Variants in FOXK2 observed in about 807,000 individuals in gnomAD.
The protein encoded by FOXK2 is forkhead box protein K2.
A neutral mutation model predicts 53.3 loss-of-function variants in FOXK2; 24 were observed. The ratio of observed to expected loss-of-function variants is 0.45; its 90% confidence interval spans 0.33 to 0.63. The LOEUF (loss-of-function observed/expected upper bound fraction) is 0.63. FOXK2 is among the 30% of genes least tolerant of loss of function. The probability of loss-of-function intolerance (pLI) is 0.03; values close to 1 mark genes in which losing one functional copy is unlikely to be tolerated. For missense variants in FOXK2, 952 were observed against 910.5 expected, an observed-to-expected ratio of 1.05 and a Z score of -0.59; for synonymous variants, 505 against 407.1, an observed-to-expected ratio of 1.24 and a Z score of -2.89.
chr17:82,592,446 C>G (rs1199072563), intron 8 of FOXK2, among the ~76,000 whole-genome samples: 1 of 152,204 alleles, frequency 6.6e-6, no homozygotes, highest in African/African-American at 2.4e-5. Context: ...TGCCACAGCT[C>G]AAGCCTCACA....
At chr17:82,546,756 T>G (rs1480514172) in intron 1 of FOXK2, among the ~76,000 whole-genome samples, 1 of 152,020 alleles carries the variant, frequency 6.6e-6, no homozygotes, top group Non-Finnish European at 1.5e-5. Context: ...TGTAAGCCAC[T>G]GAGCCCAACC....
At chr17:82,561,563 CTG>C (rs982314667) in intron 1 of FOXK2, among the ~76,000 whole-genome samples, 2 of 152,076 alleles carry the variant, frequency 1.3e-5, no homozygotes, top group Non-Finnish European at 2.9e-5. Context: ...GGTGGCCACT[CTG>C]TGAGGGTCTG....
chr17:82,587,566 A>C, intron 8 of FOXK2: 2 of 432,770 alleles, frequency 4.6e-6, no homozygotes. Flanking sequence ...AGCGGCCTGA[A>C]ACGGCGGGAG....
chr17:82,604,085 A>C lies in FOXK2; in HGVS notation c.*2586A>C, dbSNP rs2045419360. 1 of 152,228 alleles carries C rather than the reference A, an allele frequency of 6.6e-6. No homozygotes were observed. The highest frequency in any genetic ancestry group is 2.1e-4 in the South Asian group (1 of 4,836). The allele number at this position is 152,228 out of a possible 1,614,324, so 9.4% of individuals were successfully genotyped here. On this transcript the variant is annotated 3_prime_UTR_variant, in exon 9 of 9. Transcript: ENST00000335255. ...TTGGGAGAGGTCCTGCGTCGTCCTC[A>C]GCTGCGTCGCTGTGAACTCCCGCTC...
chr17:82,585,245 G>A (rs562005169), intron 6 of FOXK2: 17 of 152,286 alleles, frequency 1.1e-4, no homozygotes, highest in South Asian at 6.2e-4. Flanking sequence ...CCTTCCACTC[G>A]TTACAGGAGG....
At chr17:82,550,926 A>G (rs2044670886) in intron 1 of FOXK2, among the ~76,000 whole-genome samples, 1 of 152,244 alleles carries the variant, frequency 6.6e-6, no homozygotes, top group Non-Finnish European at 1.5e-5. Flanking sequence ...GCGTGCAGTA[A>G]GCGTGCGTCA....
chr17:82,587,127 G>A lies in FOXK2; in HGVS notation c.1641G>A (p.Gln547=), dbSNP rs759987505. ...TCGGCACTGCCAGCCGGATCATTCA[G>A]ACGGCACAGACCACCCCGGTCCAGA... is the stretch of plus-strand genomic sequence containing the variant. ...ATLGTASRII[Q]TAQTTPVQTV... Residue 547 remains glutamine, a synonymous_variant, in exon 8 of 9, where the codon CAG becomes CAA. Coordinates refer to ENST00000335255, the MANE Select transcript of FOXK2 (RefSeq NM_004514.4). The A allele has an allele frequency of 5.0e-6, 8 of 1,612,966 alleles. No homozygotes were observed. Among genetic ancestry groups the A allele is most frequent in the Non-Finnish European group, 6.8e-6 (8 of 1,180,026 alleles).
In FOXK2 at chr17:82,582,911, C is replaced by T. The variant is rs2045081077; in HGVS notation, c.1080C>T (p.Thr360=). The change falls in exon 5 of 9, where the codon ACC becomes ACT. Residue 360 remains threonine (T), a synonymous_variant. Transcript: ENST00000335255. ...CTAGGGGCGTGCCCTGCTTTAGAAC[C>T]CCTCTGGGACCGCTCTCTTCTAGGT... ...RRPRGVPCFR[T]PLGPLSSRSA... 1 of 1,594,862 alleles carries T rather than the reference C, an allele frequency of 6.3e-7. No homozygotes were observed. Among genetic ancestry groups the T allele is most frequent in the Non-Finnish European group, 8.5e-7 (1 of 1,174,984 alleles).
Position 82,587,261 on chromosome 17 carries a change from A to C in FOXK2, c.1775A>C (p.Gln592Pro). ...TCAGTCCCCACTGCGGTCCACGGCC[A>C]GGTGAACAATGGTAAGACATGCTGG... ...VASVPTAVHG[Q>P]VNNAAASPLH... is the part of the protein sequence containing the mutation. Residue 592 changes from glutamine to proline, a missense_variant, in exon 8 of 9, where the codon CAG (glutamine) becomes CCG (proline). This residue lies in a region of FOXK2 where 551 missense variants were observed against 385.1 expected (regional missense o/e 1.43). Coordinates refer to ENST00000335255, the MANE Select transcript of FOXK2 (RefSeq NM_004514.4). The C allele has an allele frequency of 6.2e-7, 1 of 1,612,780 alleles. No individual in the cohort carries two copies. The highest frequency in any genetic ancestry group is 1.1e-5 in the South Asian group (1 of 91,070).
At position 82,571,772 on chromosome 17, in the gene FOXK2, A is replaced by G. The variant is rs1165253422; in HGVS notation, c.811A>G (p.Ile271Val). The G allele has an allele frequency of 1.2e-6, 2 of 1,601,838 alleles. No homozygotes were observed. The highest frequency in any genetic ancestry group is 1.7e-6 in the Non-Finnish European group (2 of 1,175,820). ...YSYAQLIVQA[I>V]TMAPDKQLTL... ...CTACGCGCAGCTGATAGTTCAGGCGATTACGATGGCTCCCGACAAACAGCT... is the reference window on the plus strand; with the variant it reads ...CTACGCGCAGCTGATAGTTCAGGCGGTTACGATGGCTCCCGACAAACAGCT... The change falls in exon 4 of 9, where the codon ATT (isoleucine) becomes GTT (valine). Residue 271 changes from isoleucine to valine, a missense_variant. By Grantham distance (29) the Ile-to-Val change is conservative. Transcript: ENST00000335255.
rs1280487589 is a variant in FOXK2 at position 82,568,098 on chromosome 17, C to T, written c.659C>T (p.Ser220Leu). The T allele has an allele frequency of 8.1e-6, 13 of 1,613,006 alleles. No homozygotes were observed. The highest frequency in any genetic ancestry group is 2.7e-5 in the African/African-American group (2 of 74,888). Residue 220 changes from serine (S) to leucine (L), a missense_variant, in exon 3 of 9, where the codon TCA (serine) becomes TTA (leucine). By Grantham distance (145) the Ser-to-Leu change is moderately radical (BLOSUM62 -2). Transcript: ENST00000335255. ...CPSSPRGAGS[S>L]GYKVGRVMPS... ...TCCAGCCCCCGGGGAGCGGGGTCTT[C>T]AGGGTACAAGGTGGGCCGAGTGATG...
chr17:82,520,037 A>C lies in FOXK2; in HGVS notation c.149A>C (p.Lys50Thr). The C allele has an allele frequency of 6.6e-7, 1 of 1,515,290 alleles. No homozygotes were observed. Among genetic ancestry groups the C allele is most frequent in the Non-Finnish European group, 8.8e-7 (1 of 1,132,560 alleles). 93.9% of individuals were successfully genotyped at this position (1,515,290 alleles called of 1,614,324 possible). The part of the protein sequence containing the change: ...LEGREFEYLM[K>T]KRSVTIGRNS... ...GGCCGCGAGTTCGAGTATCTGATGAAGAAGCGCTCGGTGACCATCGGCCGC... is the reference window on the plus strand; with the variant it reads ...GGCCGCGAGTTCGAGTATCTGATGACGAAGCGCTCGGTGACCATCGGCCGC... Residue 50 changes from lysine (K) to threonine (T), a missense_variant, in exon 1 of 9, where the codon AAG becomes ACG. Transcript: ENST00000335255.
At chr17:82,583,689 A>G (rs903398613) in intron 5 of FOXK2, among the ~76,000 whole-genome samples, 2 of 152,210 alleles carry the variant, frequency 1.3e-5, no homozygotes, top group Non-Finnish European at 2.9e-5. Context: ...GTAAGTCTTA[A>G]ATGCCCACGG....
At chr17:82,597,096 C>T (rs1403904195) in intron 8 of FOXK2, among the ~76,000 whole-genome samples, 1 of 152,184 alleles carries the variant, frequency 6.6e-6, no homozygotes, top group African/African-American at 2.4e-5. Flanking sequence ...CGCGCTAAGC[C>T]GTGACTCCCT....
chr17:82,530,833 A>G (rs1471575988), intron 1 of FOXK2, among the ~76,000 whole-genome samples: 2 of 152,094 alleles, frequency 1.3e-5, no homozygotes, highest in Non-Finnish European at 2.9e-5. Context: ...GTGTTTTCAA[A>G]GTGGCTTTTT....
At chr17:82,581,478 G>GC (rs2045058690) in intron 4 of FOXK2, among the ~76,000 whole-genome samples, 1 of 134,104 alleles carries the variant, frequency 7.5e-6, no homozygotes, top group East Asian at 2.2e-4. Context: ...TTTTGTGTGG[G>GC]TTTTTTTTTT....
chr17:82,583,561 A>G (rs1215906926), intron 5 of FOXK2, among the ~76,000 whole-genome samples: 1 of 152,190 alleles, frequency 6.6e-6, no homozygotes, highest in Non-Finnish European at 1.5e-5. Flanking sequence ...ACAAAAATAC[A>G]CTACTTTTTA....
chr17:82,597,393 G>A (rs1040707450), intron 8 of FOXK2, among the ~76,000 whole-genome samples: 19 of 152,100 alleles, frequency 1.2e-4, no homozygotes, highest in African/African-American at 3.9e-4. Context: ...GGCCCACCCC[G>A]GGGCTGCAGG....
chr17:82,576,270 G>A (rs1283495984), intron 4 of FOXK2, among the ~76,000 whole-genome samples: 2 of 148,770 alleles, frequency 1.3e-5, no homozygotes, highest in Non-Finnish European at 3.0e-5. Context: ...GGGTGGCGGC[G>A]GCGGGTTCGT....
Sources: gnomAD v4.1 joint callset for allele counts (sites outside exome capture counted in the v4.1 genomes callset) on GRCh38, gnomAD v4.1.1 for gene constraint, gnomAD v4.1.1 regional missense constraint, MANE v1.5 for transcripts, NCBI Gene and HGNC (gene_info 2026-07-23, HGNC 2026-07-21) for gene names.